The following WDR49 variants were observed in gnomAD, a reference collection of about 807,000 sequenced individuals.
WDR49 encodes WD repeat domain 49, also known as cilia- and flagella-associated protein 337.
A neutral mutation model predicts 119.5 loss-of-function variants in WDR49; 107 were observed. The ratio of observed to expected loss-of-function variants is 0.90; its 90% confidence interval spans 0.77 to 1.05. The LOEUF (loss-of-function observed/expected upper bound fraction) is 1.05. WDR49 is among the 50% of genes least tolerant of loss of function. The pLI, the probability that WDR49 is intolerant of heterozygous loss-of-function variation, is 0.00. For synonymous variants in WDR49, 425 were observed against 418.8 expected (o/e 1.01, Z -0.18); for missense variants, 1,240 against 1,220.5 (o/e 1.02, Z -0.24).
chr3:167,560,652 C>A (rs1367818147), intron 8 of WDR49, among the ~76,000 whole-genome samples: 2 of 152,050 alleles, frequency 1.3e-5, no homozygotes, highest in Admixed American at 6.6e-5. Context: ...GAAGCTCTAC[C>A]AGCCATTATG....
chr3:167,516,284 G>C (rs1240097415), intron 16 of WDR49, among the ~76,000 whole-genome samples: 5 of 128,430 alleles, frequency 3.9e-5, no homozygotes, highest in Admixed American at 2.0e-4. Flanking sequence ...AGTGTGTGAT[G>C]TTCCCCTTCC....
In WDR49 at chr3:167,522,315, T is replaced by C. The variant is rs112711847; in HGVS notation, c.2774A>G (p.Asn925Ser). Residue 925 changes from asparagine to serine, a missense_variant and splice_region_variant, in exon 16 of 19, where the codon AAT becomes AGT. By Grantham distance (46) the Asn-to-Ser change is conservative. Transcript: ENST00000682715. Reference protein sequence around the residue: ...NKKNKDDSTYNVRPSEDINLD... With the variant: ...NKKNKDDSTYSVRPSEDINLD... ...CTGGCTAATGTTCAAAATTACTTAC[T>C]TGTATGTTGAGTCATCTTTGTTTTT... 36 of 1,580,000 alleles carry C rather than the reference T, an allele frequency of 2.3e-5. No individual in the cohort carries two copies. In the African/African-American group the frequency reaches 3.7e-4, roughly 16 times the overall value.
At chr3:167,655,143 C>A (rs545917124), upstream of WDR49, among the ~76,000 whole-genome samples, 1 of 152,230 alleles carries the variant, frequency 6.6e-6, no homozygotes, top group African/African-American at 2.4e-5. Flanking sequence ...AAAGTCATGA[C>A]TTACATGGCA....
intron 5 of WDR49, among the ~76,000 whole-genome samples, chr3:167,611,684 C>T (rs1343697714): frequency 6.6e-6 from 1 of 152,062 alleles, no homozygotes; most frequent in Non-Finnish European, 1.5e-5. Flanking sequence ...GTAGGAGTCA[C>T]TATACTTTTA....
intron 11 of WDR49, among the ~76,000 whole-genome samples, chr3:167,535,157 T>C (rs1178516321): frequency 6.6e-6 from 1 of 151,962 alleles, no homozygotes; most frequent in Non-Finnish European, 1.5e-5. Flanking sequence ...GGTAGAGCCG[T>C]GAGGGGAAAT....
chr3:167,600,587 C>T (rs961219299), intron 7 of WDR49, among the ~76,000 whole-genome samples: 8 of 152,104 alleles, frequency 5.3e-5, no homozygotes, highest in East Asian at 3.8e-4. Flanking sequence ...CTTGCTCCAT[C>T]CCTATTTTAC....
intron 7 of WDR49, among the ~76,000 whole-genome samples, chr3:167,587,637 C>A (rs1243834588): frequency 6.6e-6 from 1 of 152,082 alleles, no homozygotes; most frequent in East Asian, 1.9e-4. Flanking sequence ...AGGTGTGCGC[C>A]ACCATGCCCA....
chr3:167,657,817 T>A (rs1718640610), upstream of WDR49, among the ~76,000 whole-genome samples: 1 of 152,146 alleles, frequency 6.6e-6, no homozygotes, highest in Non-Finnish European at 1.5e-5. Flanking sequence ...GAAAGGATGT[T>A]TTTCCCATCA....
Position 167,615,974 on chromosome 3 carries a change from A to G in WDR49, c.958+4455T>C, listed in dbSNP as rs371082524. ...TGCTGCTTAGTTTTGAGTGCTTCAA[A>G]GTGAACATGATAATAAACAAACCTT... On this transcript the variant is annotated intron_variant, in intron 5 of 18. Transcript: ENST00000682715. 4.4e-4 allele frequency among the ~76,000 whole-genome samples: 67 copies of G among 152,374 alleles called. No individual in the cohort carries two copies. In the South Asian group the frequency reaches 0.013, roughly 30 times the overall value.
At chr3:167,522,270 ATCTAG>A in intron 16 of WDR49, 40 bp downstream of exon 16, 1 of 1,515,962 alleles carries the variant, frequency 6.6e-7, no homozygotes, top group African/African-American at 1.4e-5. Context: ...TCTATGTCTT[ATCTAG>A]ACTTCAGTTG....
At position 167,604,682 on chromosome 3, in the gene WDR49, C is replaced by G. The variant is rs75194124; in HGVS notation, c.959-214G>C. On this transcript the variant is annotated intron_variant, in intron 5 of 18. Transcript: ENST00000682715. Reference sequence around the variant, plus strand: ...CAGGAAATTCTACATTCTGACTTTTCCCCCAATCTAGGGAAAGATAAGCAG... The same window carrying G: ...CAGGAAATTCTACATTCTGACTTTTGCCCCAATCTAGGGAAAGATAAGCAG... Among the ~76,000 whole-genome samples the G allele has an allele frequency of 8.9e-3, 1,348 of 152,204 alleles. 91 individuals carry two copies. The East Asian group carries it at 0.17, about 20-fold the overall frequency.
At position 167,505,306 on chromosome 3, in the gene WDR49, C is replaced by A; in HGVS notation, c.2884+1G>T. The A allele has an allele frequency of 6.7e-7, 1 of 1,500,402 alleles. No homozygotes were observed. The highest frequency in any genetic ancestry group is 8.8e-7 in the Non-Finnish European group (1 of 1,132,322). The allele number at this position is 1,500,402 out of a possible 1,614,324, so 92.9% of individuals were successfully genotyped here. A position where few individuals can be genotyped will look rare whatever the true frequency, so the allele number is the denominator to read the frequency against. On this transcript the variant is annotated splice_donor_variant, in intron 17 of 18. Transcript: ENST00000682715. LOFTEE classifies it high-confidence loss of function. ...ATACATTAACAACAGTGACTACTTA[C>A]TGAATGATTTTTTTATAACTTCACC...
intron 18 of WDR49, among the ~76,000 whole-genome samples, chr3:167,492,167 A>AT (rs1002630031): frequency 9.3e-5 from 14 of 150,674 alleles, no homozygotes; most frequent in African/African-American, 3.4e-4. Flanking sequence ...TTTAAGTGTT[A>AT]TTTTATAATA....
chr3:167,588,024 C>T (rs1044807189), intron 7 of WDR49, among the ~76,000 whole-genome samples: 2 of 152,238 alleles, frequency 1.3e-5, no homozygotes. Flanking sequence ...CTCTGTTGTG[C>T]TAGCAAATAC....
chr3:167,585,515 A>G (rs1396116813), intron 7 of WDR49, among the ~76,000 whole-genome samples: 2 of 151,916 alleles, frequency 1.3e-5, no homozygotes, highest in African/African-American at 4.8e-5. Flanking sequence ...ATGGCCATCC[A>G]TACTAAGAAT....
chr3:167,578,998 A>T (rs1207028657), intron 7 of WDR49, among the ~76,000 whole-genome samples: 1 of 152,122 alleles, frequency 6.6e-6, no homozygotes, highest in Non-Finnish European at 1.5e-5. Flanking sequence ...TTGTGATAGT[A>T]TGTGAGTTTT....
At chr3:167,551,370 AGTT>A (rs1712560012) in intron 10 of WDR49, among the ~76,000 whole-genome samples, 1 of 152,002 alleles carries the variant, frequency 6.6e-6, no homozygotes, top group Admixed American at 6.6e-5. Flanking sequence ...TATATATCTG[AGTT>A]GTTGTTAAGT....
upstream of WDR49, among the ~76,000 whole-genome samples, chr3:167,654,990 T>C (rs964766554): frequency 3.3e-5 from 5 of 152,034 alleles, no homozygotes; most frequent in African/African-American, 1.2e-4. Context: ...AAACTTCAGA[T>C]ACTGCATGTA....
intron 5 of WDR49, among the ~76,000 whole-genome samples, chr3:167,609,783 G>T (rs562184546): frequency 1.1e-4 from 17 of 152,284 alleles, no homozygotes; most frequent in African/African-American, 3.8e-4. Flanking sequence ...CAAAAGAGGT[G>T]CCTTCCTTTC....
Sources: allele counts gnomAD v4.1 joint callset (sites outside exome capture counted in the v4.1 genomes callset), GRCh38; gene constraint gnomAD v4.1.1; transcripts MANE v1.5; gene names NCBI Gene and HGNC (gene_info 2026-07-23, HGNC 2026-07-21).